The following FAM151B variants were observed in gnomAD, a reference collection of about 807,000 sequenced individuals.
FAM151B encodes the protein family with sequence similarity 151 member B.
FAM151B carries 24 observed loss-of-function variants against 31.2 expected under a neutral mutation model. The ratio of observed to expected loss-of-function variants is 0.77; its 90% CI spans 0.56 to 1.08. FAM151B has a LOEUF of 1.08. Among genes scored for constraint, FAM151B ranks in the 50% least tolerant of loss-of-function variants. The probability of loss-of-function intolerance (pLI) is 0.00; values close to 1 mark genes in which losing one functional copy is unlikely to be tolerated. For missense variants in FAM151B, 293 were observed against 328.6 expected, an observed-to-expected ratio of 0.89 and a Z score of 0.84; for synonymous variants, 105 against 111.4, an observed-to-expected ratio of 0.94 and a Z score of 0.36.
chr5:80,529,951 A>T (rs1049686826), intron 5 of FAM151B, among the ~76,000 whole-genome samples: 5 of 152,230 alleles, frequency 3.3e-5, no homozygotes, highest in Non-Finnish European at 5.9e-5. Context: ...ATTTCAGACC[A>T]ATATCCGTGA....
At chr5:80,522,762 A>G (rs1462841249) in intron 5 of FAM151B, among the ~76,000 whole-genome samples, 1 of 152,182 alleles carries the variant, frequency 6.6e-6, no homozygotes, top group Non-Finnish European at 1.5e-5. Context: ...GCCCTGTCTC[A>G]AAAATAATAC....
chr5:80,488,923 A>T (rs1743211593), intron 1 of FAM151B, among the ~76,000 whole-genome samples: 1 of 152,094 alleles, frequency 6.6e-6, no homozygotes, highest in Admixed American at 6.5e-5. Context: ...ATATTAGTAT[A>T]GGGAAATAGG....
intron 5 of FAM151B, among the ~76,000 whole-genome samples, chr5:80,536,637 A>C (rs1419978778): frequency 6.6e-6 from 1 of 152,226 alleles, no homozygotes; most frequent in Non-Finnish European, 1.5e-5. Context: ...AAGATTTGAA[A>C]GCAACCAAAG....
chr5:80,489,739 A>G (rs1404250172), intron 1 of FAM151B, among the ~76,000 whole-genome samples: 1 of 152,164 alleles, frequency 6.6e-6, no homozygotes, highest in Non-Finnish European at 1.5e-5. Context: ...CCTGGCTAAC[A>G]CAGTGAAACC....
Position 80,522,146 on chromosome 5 carries a change from A to G in FAM151B, c.671+8A>G. ...GTTAAAGAAATCAAACAGGTATGTA[A>G]TAGTTTAACAAATGTGTATGTGAGT... On this transcript the variant is annotated splice_region_variant and intron_variant, in intron 5 of 5. Transcript: ENST00000282226. The G allele has an allele frequency of 1.2e-6, 2 of 1,610,004 alleles. No homozygotes were observed. Among genetic ancestry groups the G allele is most frequent in the Non-Finnish European group, 1.7e-6 (2 of 1,176,772 alleles).
intron 5 of FAM151B, among the ~76,000 whole-genome samples, chr5:80,529,437 A>G (rs940066066): frequency 2.6e-5 from 4 of 152,180 alleles, no homozygotes; most frequent in Non-Finnish European, 5.9e-5. Flanking sequence ...CAAAAAAGCA[A>G]TGAATCCAGG....
chr5:80,528,578 G>A (rs1299156252), intron 5 of FAM151B, among the ~76,000 whole-genome samples: 2 of 152,006 alleles, frequency 1.3e-5, no homozygotes, highest in Non-Finnish European at 2.9e-5. Flanking sequence ...ACTTATATGA[G>A]ACAAAATAGA....
chr5:80,501,325 AC>A, intron 1 of FAM151B: 1 of 1,223,026 alleles, frequency 8.2e-7, no homozygotes, highest in Non-Finnish European at 1.2e-6. Flanking sequence ...CGGCCGAGAG[AC>A]CACCCATTTT....
chr5:80,493,802 G>A (rs976828370), intron 1 of FAM151B, among the ~76,000 whole-genome samples: 2 of 152,038 alleles, frequency 1.3e-5, no homozygotes, highest in Admixed American at 6.6e-5. Flanking sequence ...TGTGCACAGC[G>A]GGACATAGAC....
intron 5 of FAM151B, among the ~76,000 whole-genome samples, chr5:80,524,627 A>C (rs1354834509): frequency 6.6e-6 from 1 of 152,112 alleles, no homozygotes; most frequent in East Asian, 1.9e-4. Flanking sequence ...ATATTGTTTG[A>C]GATAGGAAGG....
At chr5:80,506,047 C>G in intron 2 of FAM151B, 1 of 986,714 alleles carries the variant, frequency 1.0e-6, no homozygotes, top group Non-Finnish European at 1.2e-6. Context: ...TGAGCCACCA[C>G]GCCCGGCCAA....
intron 5 of FAM151B, among the ~76,000 whole-genome samples, chr5:80,531,682 A>G (rs1745251597): frequency 6.6e-6 from 1 of 152,198 alleles, no homozygotes; most frequent in African/African-American, 2.4e-5. Flanking sequence ...CAAAACCACA[A>G]TGAGAAACCG....
chr5:80,537,411 G>A (rs902449354), intron 5 of FAM151B, among the ~76,000 whole-genome samples: 2 of 152,188 alleles, frequency 1.3e-5, no homozygotes, highest in Non-Finnish European at 2.9e-5. Flanking sequence ...GGTAATGTGG[G>A]TAAAGTGAAA....
At position 80,488,131 on chromosome 5, in the gene FAM151B, C is replaced by G; in HGVS notation, c.8C>G (p.Ala3Gly). 6.5e-7 allele frequency: 1 copy of G among 1,543,300 alleles called. No individual in the cohort carries two copies. Among genetic ancestry groups the G allele is most frequent in the Non-Finnish European group, 8.7e-7 (1 of 1,147,560 alleles). The stretch of plus-strand genomic sequence containing the variant: ...ACGGCGGGCGTCGTCACCATGGCAG[C>G]ATCCGCTGGAGGCCCAGGTAAGCGC... MA[A>G]SAGGPGSWSE... Residue 3 changes from alanine (A) to glycine (G), a missense_variant, in exon 1 of 6, where the codon GCA becomes GGA. Ala to Gly is a moderately conservative substitution (Grantham distance 60). Coordinates refer to ENST00000282226, the MANE Select transcript of FAM151B (RefSeq NM_205548.3).
At chr5:80,520,022 G>GA in intron 4 of FAM151B, 112 bp downstream of exon 4, 1 of 994,036 alleles carries the variant, frequency 1.0e-6, no homozygotes, top group Non-Finnish European at 1.5e-6. Flanking sequence ...AAGCCTGATG[G>GA]AAAAAAAGGC....
chr5:80,524,695 T>C (rs1744879960), intron 5 of FAM151B, among the ~76,000 whole-genome samples: 1 of 152,196 alleles, frequency 6.6e-6, no homozygotes, highest in South Asian at 2.1e-4. Context: ...GACTATACTT[T>C]TTATGGTAAA....
rs1491040595 is a variant in FAM151B, at chr5:80,538,464, T to TTC, written c.672-3207_672-3206dup. 7.7e-4 allele frequency among the ~76,000 whole-genome samples: 83 copies of TTC among 108,310 alleles called. 1 individual carries two copies. The highest frequency in any genetic ancestry group is 2.7e-3 in the African/African-American group (72 of 26,334). 71.1% of individuals were successfully genotyped at this position (108,310 alleles called of 152,430 possible). A position where few individuals can be genotyped will look rare whatever the true frequency, so the allele number is the denominator to read the frequency against. ...TCTTTCTTTCTCTTTCTTTCTTTCTTTCTTTCTTTCTTTCTTTCTTTCCTT... is the reference window on the plus strand; with the variant it reads ...TCTTTCTTTCTCTTTCTTTCTTTCTTTCTCTTTCTTTCTTTCTTTCTTTCCTT... On this transcript the variant is annotated intron_variant, in intron 5 of 5. Coordinates refer to ENST00000282226, the MANE Select transcript of FAM151B (RefSeq NM_205548.3).
At chr5:80,495,909 A>G (rs1743522948) in intron 1 of FAM151B, among the ~76,000 whole-genome samples, 2 of 151,560 alleles carry the variant, frequency 1.3e-5, no homozygotes, top group South Asian at 2.1e-4. Flanking sequence ...ATGTGACTAC[A>G]TTATCGCAAT....
intron 5 of FAM151B, among the ~76,000 whole-genome samples, chr5:80,534,353 C>T (rs1286756582): frequency 6.6e-6 from 1 of 151,512 alleles, no homozygotes; most frequent in African/African-American, 2.4e-5. Flanking sequence ...TGCAAAAATC[C>T]TTGGCAAAAT....
Sources: allele counts gnomAD v4.1 joint callset (sites outside exome capture counted in the v4.1 genomes callset), GRCh38; gene constraint gnomAD v4.1.1; transcripts MANE v1.5; gene names NCBI Gene and HGNC (gene_info 2026-07-23, HGNC 2026-07-21).